Variants in CAMTA1 observed in about 807,000 individuals in gnomAD.
The protein encoded by CAMTA1 is calmodulin binding transcription activator 1.
Under a neutral mutation model 170.9 loss-of-function variants are expected in CAMTA1, and 27 were observed. That is an observed-to-expected ratio of 0.16 (90% CI 0.12 to 0.22). CAMTA1 has a LOEUF of 0.22. Among genes scored for constraint, CAMTA1 ranks in the 10% least tolerant of loss-of-function variants. The pLI is 1.00. For synonymous variants in CAMTA1, 833 were observed against 891.5 expected, an observed-to-expected ratio of 0.93 and a Z score of 1.17; for missense variants, 1,619 against 2,217.2, an observed-to-expected ratio of 0.73 and a Z score of 5.42.
intron 3 of CAMTA1, among the ~76,000 whole-genome samples, chr1:6,866,952 A>G (rs757639785): frequency 1.8e-4 from 27 of 152,238 alleles, no homozygotes; most frequent in Admixed American, 5.2e-4. Flanking sequence ...GTGCTTCTCC[A>G]TGATCTCTCA....
chr1:7,574,174 A>T (rs2095161227), intron 6 of CAMTA1, among the ~76,000 whole-genome samples: 1 of 125,002 alleles, frequency 8.0e-6, no homozygotes, highest in Non-Finnish European at 1.5e-5. Context: ...TGGGCCGTGC[A>T]GGGAGTAACA....
Position 6,815,533 on chromosome 1 carries a change from A to G in CAMTA1, c.46-4648A>G, listed in dbSNP as rs151258435. On this transcript the variant is annotated intron_variant, in intron 1 of 22. Transcript: ENST00000303635. Reference sequence around the variant, plus strand: ...TGGGTACTTCCAGCAGAAACTGGGCACTATACTTGAGTAACCATCCCTAGA... The same window carrying G: ...TGGGTACTTCCAGCAGAAACTGGGCGCTATACTTGAGTAACCATCCCTAGA... Among the ~76,000 whole-genome samples the G allele has an allele frequency of 2.8e-4, 42 of 152,314 alleles. No homozygotes were observed. The East Asian group carries it at 4.4e-3, about 16-fold the overall frequency.
intron 5 of CAMTA1, among the ~76,000 whole-genome samples, chr1:7,359,270 A>G (rs576645207): frequency 2.0e-5 from 3 of 152,200 alleles, no homozygotes; most frequent in Admixed American, 6.5e-5. Context: ...TGCAGGGACC[A>G]TGGAGAAGGG....
intron 5 of CAMTA1, among the ~76,000 whole-genome samples, chr1:7,316,371 G>T (rs1387889658): frequency 6.6e-6 from 1 of 152,156 alleles, no homozygotes; most frequent in Non-Finnish European, 1.5e-5. Context: ...TCCAAATAAG[G>T]TCTCTTTTGA....
At chr1:7,280,656 T>G (rs188918204) in intron 5 of CAMTA1, among the ~76,000 whole-genome samples, 39 of 152,372 alleles carry the variant, frequency 2.6e-4, no homozygotes, top group East Asian at 1.7e-3. Context: ...TTCTTCCTGT[T>G]TAATAAATAG....
rs979259929 is a variant in CAMTA1, at chr1:6,965,888, G to C, written c.235-125416G>C. On this transcript the variant is annotated intron_variant, in intron 3 of 22. Coordinates refer to ENST00000303635, the MANE Select transcript of CAMTA1 (RefSeq NM_015215.4). The surrounding 1 kb of genome is among the most constrained non-coding windows in gnomAD (Gnocchi z 4.1). Reference sequence around the variant, plus strand: ...TTGCAAGCTCGATGCCGCACGTCTGGCATTAGTTACTGCTTGTTGTGTCCT... The same window carrying C: ...TTGCAAGCTCGATGCCGCACGTCTGCCATTAGTTACTGCTTGTTGTGTCCT... Among the ~76,000 whole-genome samples the C allele has an allele frequency of 2.0e-5, 3 of 152,130 alleles. No individual in the cohort carries two copies. Among genetic ancestry groups the C allele is most frequent in the Non-Finnish European group, 4.4e-5 (3 of 68,028 alleles).
At chr1:7,239,243 A>G (rs570079072) in intron 4 of CAMTA1, among the ~76,000 whole-genome samples, 2 of 152,360 alleles carry the variant, frequency 1.3e-5, no homozygotes, top group Non-Finnish European at 2.9e-5. Context: ...ACTGTTACAA[A>G]TGAATAATAA....
At chr1:7,630,634 G>A (rs972556411) in intron 6 of CAMTA1, among the ~76,000 whole-genome samples, 3 of 152,218 alleles carry the variant, frequency 2.0e-5, no homozygotes, top group African/African-American at 7.2e-5. Flanking sequence ...GCAGGGAAGG[G>A]CTGCCGGCCT....
At chr1:7,283,969 T>C (rs1671879347) in intron 5 of CAMTA1, among the ~76,000 whole-genome samples, 1 of 152,152 alleles carries the variant, frequency 6.6e-6, no homozygotes, top group Non-Finnish European at 1.5e-5. Context: ...CTGGAGCCAC[T>C]TATCCAAGTT....
intron 6 of CAMTA1, among the ~76,000 whole-genome samples, chr1:7,613,720 T>C (rs2150703327): frequency 8.4e-6 from 1 of 118,366 alleles, no homozygotes; most frequent in African/African-American, 3.3e-5. Flanking sequence ...AGGAGAGCGA[T>C]GGCGGGGGCG....
chr1:6,857,076 A>G (rs1029565409), intron 3 of CAMTA1, among the ~76,000 whole-genome samples: 1 of 152,110 alleles, frequency 6.6e-6, no homozygotes, highest in Non-Finnish European at 1.5e-5. Flanking sequence ...CTGTTTTGCT[A>G]TTTACAGCCA....
At chr1:7,250,740 T>A (rs1242295653) in intron 5 of CAMTA1, among the ~76,000 whole-genome samples, 1 of 152,220 alleles carries the variant, frequency 6.6e-6, no homozygotes, top group Non-Finnish European at 1.5e-5. Flanking sequence ...TATGTTTTTT[T>A]TAAATACCTA....
At chr1:7,760,830 A>G (rs2096969359) in intron 22 of CAMTA1, among the ~76,000 whole-genome samples, 1 of 152,238 alleles carries the variant, frequency 6.6e-6, no homozygotes. Context: ...TTTGACGTCC[A>G]GCATTGCGAG....
chr1:7,023,983 T>C (rs1362834716), intron 3 of CAMTA1, among the ~76,000 whole-genome samples: 1 of 145,464 alleles, frequency 6.9e-6, no homozygotes, highest in Non-Finnish European at 1.5e-5. Flanking sequence ...GAGCCAAGAT[T>C]GCGCCACGGC....
rs564937700 is a variant in CAMTA1 at position 7,153,260 on chromosome 1, G to T, written c.302+61889G>T. Among the ~76,000 whole-genome samples, 5 of 152,264 alleles carry T rather than the reference G, an allele frequency of 3.3e-5. No homozygotes were observed. The East Asian group carries it at 9.7e-4, about 29-fold the overall frequency. On this transcript the variant is annotated intron_variant, in intron 4 of 22. Transcript: ENST00000303635. ...AGAGTCCCTACTACTTAGGAAACTT[G>T]GTTGCCTTGTAAAACAGAACATCTG...
intron 4 of CAMTA1, among the ~76,000 whole-genome samples, chr1:7,159,181 GCTGCCTTT>G (rs1157225073): frequency 6.6e-6 from 1 of 152,000 alleles, no homozygotes; most frequent in Admixed American, 6.6e-5. Flanking sequence ...CCTAAGATGG[GCTGCCTTT>G]CATCACCAGG....
intron 4 of CAMTA1, among the ~76,000 whole-genome samples, chr1:7,132,329 G>C (rs1645308886): frequency 6.6e-6 from 1 of 152,130 alleles, no homozygotes; most frequent in South Asian, 2.1e-4. Flanking sequence ...CTGGAGTGCA[G>C]TGGTGTGTGA....
intron 3 of CAMTA1, among the ~76,000 whole-genome samples, chr1:6,972,338 T>C (rs973102994): frequency 7.2e-5 from 11 of 152,134 alleles, no homozygotes; most frequent in Non-Finnish European, 1.3e-4. Flanking sequence ...CAGAAAAACC[T>C]CCGTTAAGAC....
intron 4 of CAMTA1, among the ~76,000 whole-genome samples, chr1:7,171,817 C>T (rs988452958): frequency 6.6e-6 from 1 of 152,140 alleles, no homozygotes; most frequent in Non-Finnish European, 1.5e-5. Flanking sequence ...CTTCTGTCTC[C>T]ATGGATTTGC....
Sources: allele counts gnomAD v4.1 joint callset (sites outside exome capture counted in the v4.1 genomes callset), GRCh38; gene constraint gnomAD v4.1.1; non-coding constraint Gnocchi (gnomAD v3.1); transcripts MANE v1.5; gene names NCBI Gene and HGNC (gene_info 2026-07-23, HGNC 2026-07-21).